BLNK: variants seen among roughly 807,000 people sequenced by gnomAD.
BLNK encodes B cell linker.
A neutral mutation model predicts 73.5 loss-of-function variants in BLNK; 29 were observed. That is an observed-to-expected ratio of 0.39 (90% CI 0.29 to 0.54). The LOEUF (loss-of-function observed/expected upper bound fraction) is 0.54. BLNK is among the 20% of genes least tolerant of loss of function. The pLI is 0.61. For synonymous variants in BLNK, 176 were observed against 200.8 expected, an observed-to-expected ratio of 0.88 and a Z score of 1.04; for missense variants, 460 against 562.8, an observed-to-expected ratio of 0.82 and a Z score of 1.85.
At position 96,216,716 on chromosome 10, in the gene BLNK, C is replaced by A; in HGVS notation, c.544G>T (p.Val182Leu). Residue 182 changes from valine to leucine, a missense_variant, in exon 7 of 17, where the codon GTG (valine) becomes TTG (leucine). Transcript: ENST00000224337. ...LEDEADYVVP[V>L]EDNDENYIHP... is the part of the protein sequence containing the mutation. ...ATATAGTTTTCATCATTATCTTCCACGGGGACCACATAATCAGCCTAACAG... is the reference window on the plus strand; with the variant it reads ...ATATAGTTTTCATCATTATCTTCCAAGGGGACCACATAATCAGCCTAACAG... 6.2e-7 allele frequency: 1 copy of A among 1,613,922 alleles called. No homozygotes were observed. Among genetic ancestry groups the A allele is most frequent in the Non-Finnish European group, 8.5e-7 (1 of 1,179,886 alleles).
At chr10:96,252,729 G>T (rs1222885676) in intron 1 of BLNK, among the ~76,000 whole-genome samples, 1 of 152,188 alleles carries the variant, frequency 6.6e-6, no homozygotes, top group Non-Finnish European at 1.5e-5. Context: ...TGAAGTGACT[G>T]CAGGCAGAAC....
intron 6 of BLNK, among the ~76,000 whole-genome samples, chr10:96,223,350 C>T (rs1389294202): frequency 6.6e-6 from 1 of 152,142 alleles, no homozygotes; most frequent in East Asian, 1.9e-4. Flanking sequence ...TCTCTCAAGT[C>T]GTCCGCTTGG....
In BLNK at chr10:96,261,952, C is replaced by T. The variant is rs1401224105; in HGVS notation, c.47+9400G>A. 3.9e-5 allele frequency among the ~76,000 whole-genome samples: 6 copies of T among 152,148 alleles called. No homozygotes were observed. In the East Asian group the frequency reaches 1.2e-3, roughly 29 times the overall value. ...TGGAATGGGGCTGGGGGTCATTTCA[C>T]TCTAGGTACGAGCTCAGACTTTCTT... On this transcript the variant is annotated intron_variant, in intron 1 of 16. Coordinates refer to ENST00000224337, the MANE Select transcript of BLNK (RefSeq NM_013314.4).
intron 12 of BLNK, chr10:96,204,301 A>G: frequency 1.4e-6 from 1 of 706,504 alleles, no homozygotes; most frequent in South Asian, 1.8e-5. Context: ...AATCTTGACT[A>G]AAGTATTGTA....
At chr10:96,199,712 G>A (rs1258308461) in intron 15 of BLNK, among the ~76,000 whole-genome samples, 3 of 152,146 alleles carry the variant, frequency 2.0e-5, no homozygotes, top group Admixed American at 6.5e-5. Flanking sequence ...AGGGCAAAAC[G>A]TGTGATTTAA....
At chr10:96,256,423 C>T (rs181869737) in intron 1 of BLNK, among the ~76,000 whole-genome samples, 73 of 152,188 alleles carry the variant, frequency 4.8e-4, no homozygotes, top group African/African-American at 1.7e-3. Context: ...AATTAATGTT[C>T]ATCATTAGGT....
intron 9 of BLNK, among the ~76,000 whole-genome samples, chr10:96,209,529 A>G (rs1564820467): frequency 6.6e-6 from 1 of 152,120 alleles, no homozygotes; most frequent in Non-Finnish European, 1.5e-5. Flanking sequence ...AGTAGCTGGG[A>G]TTACAGGTGT....
At position 96,225,219 on chromosome 10, in the gene BLNK, G is replaced by A. The variant is rs782448088; in HGVS notation, c.362-1230C>T. Among the ~76,000 whole-genome samples, 4 of 152,302 alleles carry A rather than the reference G, an allele frequency of 2.6e-5. No homozygotes were observed. In the South Asian group the frequency reaches 8.3e-4, roughly 32 times the overall value. ...ACTGATGTGTTTTAGGAAAATCTTGGCATAGGAATAACCTGGCATGTTCTT... is the reference window on the plus strand; with the variant it reads ...ACTGATGTGTTTTAGGAAAATCTTGACATAGGAATAACCTGGCATGTTCTT... On this transcript the variant is annotated intron_variant, in intron 5 of 16. Coordinates refer to ENST00000224337, the MANE Select transcript of BLNK (RefSeq NM_013314.4).
At chr10:96,192,707 T>A (rs1197522854) in intron 16 of BLNK, among the ~76,000 whole-genome samples, 1 of 152,200 alleles carries the variant, frequency 6.6e-6, no homozygotes, top group East Asian at 1.9e-4. Flanking sequence ...ATTTTGATCC[T>A]TGTTGTCTAT....
At position 96,189,423 on chromosome 10, in the gene BLNK, T is replaced by A; in HGVS notation, c.*2550A>T. ...CTCCTGGTCAGTTGTCCGGAAGCAA[T>A]TCTTCACATAATTGATGAACTTGGC... On this transcript the variant is annotated 3_prime_UTR_variant, in exon 17 of 17. Coordinates refer to ENST00000224337, the MANE Select transcript of BLNK (RefSeq NM_013314.4). The A allele has an allele frequency of 1.7e-6, 1 of 602,764 alleles. No individual in the cohort carries two copies. Among genetic ancestry groups the A allele is most frequent in the Non-Finnish European group, 3.1e-6 (1 of 317,602 alleles). The allele number at this position is 602,764 out of a possible 1,614,324, so 37.3% of individuals were successfully genotyped here. A position where few individuals can be genotyped will look rare whatever the true frequency, so the allele number is the denominator to read the frequency against.
At chr10:96,197,913 C>CAA (rs587730449) in intron 15 of BLNK, among the ~76,000 whole-genome samples, 29,663 of 128,086 alleles carry the variant, frequency 0.23, 4,019 homozygotes, top group Middle Eastern at 0.36. Flanking sequence ...GAGACAACAT[C>CAA]AAAAAAAAAA....
intron 1 of BLNK, among the ~76,000 whole-genome samples, chr10:96,258,822 C>T (rs1402743310): frequency 6.6e-6 from 1 of 152,108 alleles, no homozygotes; most frequent in Non-Finnish European, 1.5e-5. Flanking sequence ...TCACAACTAC[C>T]CTGTGAGGGA....
In BLNK at chr10:96,249,327, G is replaced by A. The variant is rs138890905; in HGVS notation, c.48-2278C>T. On this transcript the variant is annotated intron_variant, in intron 1 of 16. Transcript: ENST00000224337. ...CTTTGTGAATTTAGAATGCCCGTGCGGTGGAAGGGTTACTTTTTGGTGCAG... is the reference window on the plus strand; with the variant it reads ...CTTTGTGAATTTAGAATGCCCGTGCAGTGGAAGGGTTACTTTTTGGTGCAG... 2.5e-3 allele frequency among the ~76,000 whole-genome samples: 383 copies of A among 152,362 alleles called. 1 individual carries two copies. Among genetic ancestry groups the A allele is most frequent in the Non-Finnish European group, 4.0e-3 (275 of 68,030 alleles).
At position 96,227,560 on chromosome 10, in the gene BLNK, C is replaced by T. The variant is rs782528456; in HGVS notation, c.211G>A (p.Asp71Asn). Residue 71 changes from aspartate (D) to asparagine (N), a missense_variant, in exon 5 of 17, where the codon GAC (aspartate) becomes AAC (asparagine). Around this residue, in one of 3 missense-constraint regions of BLNK, gnomAD observed 139 missense variants for 187.3 expected, o/e 0.74. Coordinates refer to ENST00000224337, the MANE Select transcript of BLNK (RefSeq NM_013314.4). Reference sequence around the variant, plus strand: ...GAGTGCTCATCTGGATTTTCATAGTCGCTGTCCTGCAAGTGCAGATGCAGA... The same window carrying T: ...GAGTGCTCATCTGGATTTTCATAGTTGCTGTCCTGCAAGTGCAGATGCAGA... ...EEQWSDDFDS[D>N]YENPDEHSDS... The T allele has an allele frequency of 3.7e-6, 6 of 1,613,932 alleles. No individual in the cohort carries two copies. The East Asian group carries it at 6.7e-5, about 18-fold the overall frequency.
chr10:96,267,830 C>A (rs1278262631), intron 1 of BLNK, among the ~76,000 whole-genome samples: 1 of 152,162 alleles, frequency 6.6e-6, no homozygotes, highest in African/African-American at 2.4e-5. Context: ...TTCAGAAAAT[C>A]AATTACACAA....
intron 3 of BLNK, among the ~76,000 whole-genome samples, chr10:96,240,344 A>G (rs963693669): frequency 2.0e-5 from 3 of 152,230 alleles, no homozygotes; most frequent in Non-Finnish European, 4.4e-5. Flanking sequence ...ATCCCAGAGA[A>G]GAAACCACTC....
intron 13 of BLNK, chr10:96,203,618 T>G (rs76203051): frequency 0.026 from 4,018 of 153,112 alleles, 82 homozygotes; most frequent in African/African-American, 0.046. Context: ...TTGCCGTATC[T>G]TCTTTTTAAG....
At chr10:96,271,125 A>G (rs1273358243) in intron 1 of BLNK, among the ~76,000 whole-genome samples, 1 of 152,220 alleles carries the variant, frequency 6.6e-6, no homozygotes, top group Non-Finnish European at 1.5e-5. Context: ...AGGCAGCTAA[A>G]GCAAGTCTCT....
intron 3 of BLNK, among the ~76,000 whole-genome samples, chr10:96,231,516 C>T (rs112888394): frequency 0.13 from 19,692 of 152,058 alleles, 1,499 homozygotes; most frequent in South Asian, 0.32. Flanking sequence ...TGCTTGAGCC[C>T]AGGAGTTCAA....
Sources: allele counts gnomAD v4.1 joint callset (sites outside exome capture counted in the v4.1 genomes callset), GRCh38; gene constraint gnomAD v4.1.1; regional missense constraint gnomAD v4.1.1; transcripts MANE v1.5; gene names NCBI Gene and HGNC (gene_info 2026-07-23, HGNC 2026-07-21).